MEPE: variants seen among roughly 807,000 people sequenced by gnomAD.
MEPE encodes the protein matrix extracellular phosphoglycoprotein.
A neutral mutation model predicts 7.3 loss-of-function variants in MEPE; 7 were observed. The observed-to-expected ratio is 0.95, with a 90% CI of 0.54 to 1.79. The LOEUF (loss-of-function observed/expected upper bound fraction) is 1.79. Ranked by LOEUF, MEPE falls within the 40% of genes most tolerant of loss-of-function variation. The probability of loss-of-function intolerance (pLI) is 0.00; values close to 1 mark genes in which losing one functional copy is unlikely to be tolerated. For missense variants in MEPE, 623 were observed against 628.2 expected, an observed-to-expected ratio of 0.99 and a Z score of 0.09; for synonymous variants, 214 against 213.1, an observed-to-expected ratio of 1.00 and a Z score of -0.04.
chr4:87,836,195 T>C (rs1456380892), intron 2 of MEPE, among the ~76,000 whole-genome samples: 2 of 152,144 alleles, frequency 1.3e-5, no homozygotes, highest in Non-Finnish European at 2.9e-5. Flanking sequence ...ATTGGTGGCT[T>C]AAGAAATTAG....
chr4:87,834,676 T>C (rs7698623), intron 1 of MEPE, 27 bp from the exon 2 acceptor site: 1,483,825 of 1,582,826 alleles, frequency 0.94, 696,172 homozygotes, highest in Admixed American at 0.98. Flanking sequence ...CAATGCTTTG[T>C]GGTAAGATAT....
intron 3 of MEPE, chr4:87,840,193 T>A: frequency 1.1e-6 from 1 of 904,664 alleles, no homozygotes; most frequent in Non-Finnish European, 1.6e-6. Flanking sequence ...CATTTTGGCC[T>A]AATGAGTGAC....
At chr4:87,823,299 T>C (rs1203697113) in intron 1 of MEPE, among the ~76,000 whole-genome samples, 2 of 152,164 alleles carry the variant, frequency 1.3e-5, no homozygotes, top group African/African-American at 2.4e-5. Context: ...CACCCTGTAT[T>C]TTGTCCTCTC....
chr4:87,832,561 G>A (rs184487226), upstream of MEPE, among the ~76,000 whole-genome samples: 12 of 152,278 alleles, frequency 7.9e-5, no homozygotes, highest in Admixed American at 5.2e-4. Context: ...GCCAATGCCT[G>A]TCACACAGTA....
chr4:87,821,883 T>C (rs1193099061), intron 1 of MEPE, among the ~76,000 whole-genome samples: 1 of 152,142 alleles, frequency 6.6e-6, no homozygotes, highest in Non-Finnish European at 1.5e-5. Flanking sequence ...GGAGCCCTCA[T>C]TCACACAGAC....
At chr4:87,823,678 T>C (rs751912725) in intron 1 of MEPE, among the ~76,000 whole-genome samples, 4 of 152,154 alleles carry the variant, frequency 2.6e-5, no homozygotes, top group Admixed American at 1.3e-4. Context: ...CCAATCCTTC[T>C]CCAGGCAAAG....
chr4:87,834,653 A>G (rs1243609436), intron 1 of MEPE, 50 bp from the exon 2 acceptor site: 4 of 1,398,238 alleles, frequency 2.9e-6, no homozygotes, highest in Non-Finnish European at 4.0e-6. Context: ...TTATGGCTGC[A>G]GTTTATAACT....
chr4:87,843,343 G>A (rs1014149156), intron 3 of MEPE, among the ~76,000 whole-genome samples: 4 of 152,104 alleles, frequency 2.6e-5, no homozygotes, highest in African/African-American at 9.7e-5. Flanking sequence ...CACTCTGTTT[G>A]TCTGTGCAGA....
At chr4:87,838,395 C>A (rs1235901959) in intron 2 of MEPE, among the ~76,000 whole-genome samples, 1 of 152,156 alleles carries the variant, frequency 6.6e-6, no homozygotes, top group African/African-American at 2.4e-5. Flanking sequence ...GAATCCAGTT[C>A]TGTAGTGGAG....
At position 87,823,224 on chromosome 4, in the gene MEPE, T is replaced by C. The variant is rs991013633; in HGVS notation, c.-13+1753T>C. ...TCACCCACTGTGTGGGTGGATGGTC[T>C]GTAGGTATCAGCGTGGCCACAGTGT... On this transcript the variant is annotated intron_variant, in intron 1 of 3. Coordinates refer to the MEPE transcript ENST00000424957. Among the ~76,000 whole-genome samples, 2 of 152,228 alleles carry C rather than the reference T, an allele frequency of 1.3e-5. 1 individual carries two copies. Among genetic ancestry groups the C allele is most frequent in the Admixed American group, 1.3e-4 (2 of 15,290 alleles).
At position 87,845,979 on chromosome 4, in the gene MEPE, G is replaced by T; in HGVS notation, c.1111G>T (p.Glu371Ter). The T allele has an allele frequency of 6.2e-7, 1 of 1,614,018 alleles. No homozygotes were observed. Among genetic ancestry groups the T allele is most frequent in the South Asian group, 1.1e-5 (1 of 91,064 alleles). The change falls in exon 4 of 4, where the codon GAG (glutamate) becomes TAG (stop). Residue 371 changes from glutamate (E) to a stop codon, truncating the protein, a stop_gained. Coordinates refer to ENST00000361056, the MANE Select transcript of MEPE (RefSeq NM_020203.6). LOFTEE classifies it low-confidence loss of function (END_TRUNC). ...GSQNAHQGKVEFHYPPAPSKE... is the reference protein window; with the variant it reads ...GSQNAHQGKV ...CCAAAATGCTCACCAAGGGAAGGTT[G>T]AGTTTCATTACCCTCCTGCACCCTC...
chr4:87,846,638 C>A lies in MEPE; in HGVS notation c.*192C>A. The A allele has an allele frequency of 3.8e-6, 2 of 532,254 alleles. No homozygotes were observed. The highest frequency in any genetic ancestry group is 3.0e-5 in the East Asian group (1 of 32,998). The allele number at this position is 532,254 out of a possible 1,614,324, so 33.0% of individuals were successfully genotyped here. On this transcript the variant is annotated 3_prime_UTR_variant, in exon 4 of 4. Coordinates refer to ENST00000361056, the MANE Select transcript of MEPE (RefSeq NM_020203.6). The stretch of plus-strand genomic sequence containing the variant: ...TCACAGTATAAAATTCTATTAAAGG[C>A]TATAATGTTTTTAAGCAAAAAAAAA...
At chr4:87,843,107 GTT>G (rs1723078579) in intron 3 of MEPE, among the ~76,000 whole-genome samples, 1 of 152,050 alleles carries the variant, frequency 6.6e-6, no homozygotes, top group Non-Finnish European at 1.5e-5. Flanking sequence ...AGAAGAAGGG[GTT>G]TTTTTCTTTG....
upstream of MEPE, among the ~76,000 whole-genome samples, chr4:87,831,891 G>T (rs1000381868): frequency 1.1e-4 from 16 of 151,936 alleles, no homozygotes; most frequent in Non-Finnish European, 1.9e-4. Context: ...TATGGCTGCA[G>T]GCTTATCTGA....
At chr4:87,831,540 C>T (rs1185963410), upstream of MEPE, among the ~76,000 whole-genome samples, 1 of 152,152 alleles carries the variant, frequency 6.6e-6, no homozygotes, top group Admixed American at 6.6e-5. Context: ...CACTCAGGTT[C>T]AAGCCTCCAT....
chr4:87,838,126 G>A (rs556921195), intron 2 of MEPE, among the ~76,000 whole-genome samples: 2 of 152,024 alleles, frequency 1.3e-5, no homozygotes, highest in Non-Finnish European at 2.9e-5. Flanking sequence ...TCACATGAAC[G>A]GCTATGGTTT....
intron 3 of MEPE, chr4:87,839,976 A>G: frequency 2.0e-6 from 3 of 1,535,274 alleles, no homozygotes; most frequent in Non-Finnish European, 2.6e-6. Context: ...AATCTTCCTG[A>G]TCCCCATCCC....
intron 1 of MEPE, among the ~76,000 whole-genome samples, chr4:87,824,213 T>C (rs1722408489): frequency 6.6e-6 from 1 of 152,228 alleles, no homozygotes; most frequent in Non-Finnish European, 1.5e-5. Context: ...AAAGTATTCT[T>C]GGCTTTGCAG....
chr4:87,839,696 G>A (rs1263813900), intron 3 of MEPE: 3 of 1,549,370 alleles, frequency 1.9e-6, no homozygotes, highest in Admixed American at 2.0e-5. Flanking sequence ...TAACATACAA[G>A]GGTCACTATG....
Sources: allele counts gnomAD v4.1 joint callset (sites outside exome capture counted in the v4.1 genomes callset), GRCh38; gene constraint gnomAD v4.1.1; transcripts MANE v1.5; gene names NCBI Gene and HGNC (gene_info 2026-07-23, HGNC 2026-07-21).